The following PKHD1 variants were observed in gnomAD, a reference collection of about 807,000 sequenced individuals.
PKHD1 encodes fibrocystin.
A neutral mutation model predicts 412.0 loss-of-function variants in PKHD1; 291 were observed. The observed-to-expected ratio is 0.71, with a 90% CI of 0.64 to 0.78. The LOEUF (loss-of-function observed/expected upper bound fraction) is 0.78, where lower values mean the gene tolerates loss of function less well. PKHD1 is among the 30% of genes least tolerant of loss of function. PKHD1 has a pLI of 0.00. For missense variants in PKHD1, 4,825 were observed against 4,950.7 expected (o/e 0.97, Z 0.76); for synonymous variants, 1,777 against 1,821.5 (o/e 0.98, Z 0.62).
In PKHD1 at chr6:52,026,198, G is replaced by T; in HGVS notation, c.3629-17C>A. On this transcript the variant is annotated splice_polypyrimidine_tract_variant and intron_variant, in intron 31 of 66. Coordinates refer to ENST00000371117, the MANE Select transcript of PKHD1 (RefSeq NM_138694.4). ...TGGTCCCTCCTAAAGTATGAATACG[G>T]AAAGCAAAATATTATAGCTGATATT... 1 of 1,611,638 alleles carries T rather than the reference G, an allele frequency of 6.2e-7. No individual in the cohort carries two copies. The highest frequency in any genetic ancestry group is 1.1e-5 in the South Asian group (1 of 91,008).
rs1157587038 is a variant in PKHD1 at position 52,071,025 on chromosome 6, A to G, written c.648T>C (p.His216=). The G allele has an allele frequency of 1.2e-6, 2 of 1,604,164 alleles. No individual in the cohort carries two copies. The highest frequency in any genetic ancestry group is 3.3e-5 in the Admixed American group (2 of 59,984). The part of the protein sequence containing the change: ...EDHGLGTLQC[H]VEGDYIGSQN... ...ACAGACCGATGTAGTCGCCTTCCACATGGCACTGCAGAGTCCCAAGACCAT... is the reference window on the plus strand; with the variant it reads ...ACAGACCGATGTAGTCGCCTTCCACGTGGCACTGCAGAGTCCCAAGACCAT... Residue 216 remains histidine (H), a synonymous_variant, in exon 9 of 67, where the codon CAT becomes CAC. Coordinates refer to ENST00000371117, the MANE Select transcript of PKHD1 (RefSeq NM_138694.4).
In PKHD1 at chr6:52,058,694, G is replaced by C. The variant is rs766173662; in HGVS notation, c.1234-93C>G. On this transcript the variant is annotated intron_variant, in intron 15 of 66. Transcript: ENST00000371117. ...AGTGTCTGAACTGCTACTATCAAGA[G>C]AGTTTTGAACTGGTCTGCCTTTTTA... The C allele has an allele frequency of 3.2e-5, 43 of 1,333,608 alleles. 1 individual carries two copies. In the South Asian group the frequency reaches 4.7e-4, roughly 15 times the overall value. 82.6% of individuals were successfully genotyped at this position (1,333,608 alleles called of 1,614,324 possible).
chr6:51,836,575 A>C, intron 50 of PKHD1, 106 bp from the exon 51 acceptor site: 1 of 802,590 alleles, frequency 1.2e-6, no homozygotes, highest in Non-Finnish European at 2.2e-6. Context: ...TAGTTGCCTA[A>C]ATTTTCAAAA....
chr6:51,842,999 G>A (rs1770507851), intron 50 of PKHD1, among the ~76,000 whole-genome samples: 1 of 152,222 alleles, frequency 6.6e-6, no homozygotes, highest in Non-Finnish European at 1.5e-5. Flanking sequence ...AGCTGAGCGT[G>A]GGGCCAAGCA....
At position 52,024,698 on chromosome 6, in the gene PKHD1, G is replaced by A. The variant is rs202010726; in HGVS notation, c.5112C>T (p.Cys1704=). The A allele has an allele frequency of 3.4e-4, 551 of 1,614,148 alleles. 2 individuals are homozygous for A. In the South Asian group the frequency reaches 5.0e-3, roughly 15 times the overall value. ...GVSGNHTVLQ[C]VVPSLPAGEY... ...CCCCGGCCGGAAGGGAAGGGACCAC[G>A]CACTGAAGAACGGTGTGGTTACCAG... is the stretch of plus-strand genomic sequence containing the variant. The change falls in exon 32 of 67, where the codon TGC becomes TGT. Residue 1704 remains cysteine (C), a synonymous_variant. Transcript: ENST00000371117.
intron 55 of PKHD1, among the ~76,000 whole-genome samples, chr6:51,763,848 T>G (rs9382016): frequency 0.32 from 48,548 of 151,892 alleles, 9,644 homozygotes; most frequent in East Asian, 0.69. Context: ...TACAATATTT[T>G]AGATGTACAA....
intron 60 of PKHD1, among the ~76,000 whole-genome samples, chr6:51,687,280 TA>T (rs1777566194): frequency 6.7e-6 from 1 of 150,200 alleles, no homozygotes; most frequent in African/African-American, 2.4e-5. Flanking sequence ...AATCAGATGA[TA>T]AAAAATGAAA....
chr6:51,638,475 G>A (rs1581780182), intron 64 of PKHD1, among the ~76,000 whole-genome samples: 1 of 151,960 alleles, frequency 6.6e-6, no homozygotes, highest in Non-Finnish European at 1.5e-5. Context: ...GGGTTGAGGA[G>A]GACAGGACCC....
intron 55 of PKHD1, among the ~76,000 whole-genome samples, chr6:51,771,245 T>C (rs1790073568): frequency 6.6e-6 from 1 of 152,088 alleles, no homozygotes; most frequent in South Asian, 2.1e-4. Flanking sequence ...CTACTGATTA[T>C]GTATTTTTTG....
intron 52 of PKHD1, among the ~76,000 whole-genome samples, chr6:51,821,701 T>C (rs2151458239): frequency 6.6e-6 from 1 of 152,328 alleles, no homozygotes; most frequent in South Asian, 2.1e-4. Context: ...TTCAGTGATT[T>C]CATTTTTTGT....
chr6:52,040,280 T>TA (rs1391162138), intron 27 of PKHD1, among the ~76,000 whole-genome samples: 1 of 152,178 alleles, frequency 6.6e-6, no homozygotes, highest in Non-Finnish European at 1.5e-5. Context: ...TTTTTTAAGT[T>TA]AAAAAAGAGA....
At chr6:51,823,645 A>G (rs1474602370) in intron 52 of PKHD1, among the ~76,000 whole-genome samples, 6 of 152,160 alleles carry the variant, frequency 3.9e-5, no homozygotes, top group Admixed American at 3.9e-4. Context: ...ATCTCAACCT[A>G]TTTCAATATA....
chr6:52,001,840 A>C (rs981740661), intron 35 of PKHD1, among the ~76,000 whole-genome samples: 8 of 152,184 alleles, frequency 5.3e-5, no homozygotes, highest in Admixed American at 1.3e-4. Flanking sequence ...GATTATGACA[A>C]CACCACCATA....
At chr6:51,735,229 T>C (rs949129407) in intron 60 of PKHD1, among the ~76,000 whole-genome samples, 3 of 152,208 alleles carry the variant, frequency 2.0e-5, no homozygotes, top group African/African-American at 7.2e-5. Context: ...ACTCTGGCTT[T>C]GGAGTCAGAC....
intron 36 of PKHD1, among the ~76,000 whole-genome samples, chr6:51,936,664 T>C (rs1319628500): frequency 2.0e-5 from 3 of 152,196 alleles, no homozygotes; most frequent in African/African-American, 7.2e-5. Flanking sequence ...AAAGTTAAAC[T>C]GTAAAACTAG....
Position 52,044,976 on chromosome 6 carries a change from T to C in PKHD1, c.2705A>G (p.Gln902Arg). The C allele has an allele frequency of 1.9e-6, 3 of 1,613,632 alleles. No homozygotes were observed. Among genetic ancestry groups the C allele is most frequent in the South Asian group, 1.1e-5 (1 of 91,082 alleles). The change falls in exon 25 of 67, where the codon CAG becomes CGG. Residue 902 changes from glutamine (Q) to arginine (R), a missense_variant. Coordinates refer to ENST00000371117, the MANE Select transcript of PKHD1 (RefSeq NM_138694.4). ...IFGDMLATAN[Q>R]HTQVVVRVND... is the part of the protein sequence containing the mutation. ...CCCATTCACTCTCACCTGAGTATGC[T>C]GGTTGGCAGTAGCCAACATGTCTCC...
chr6:51,852,867 T>G (rs1772561875), intron 49 of PKHD1, among the ~76,000 whole-genome samples: 1 of 152,206 alleles, frequency 6.6e-6, no homozygotes, highest in Non-Finnish European at 1.5e-5. Flanking sequence ...TTATCCAATT[T>G]GCCAATCTGT....
chr6:51,767,521 G>A (rs1161574385), intron 55 of PKHD1, among the ~76,000 whole-genome samples: 2 of 151,976 alleles, frequency 1.3e-5, no homozygotes, highest in Admixed American at 6.6e-5. Flanking sequence ...CTGTGTCCAT[G>A]TGTTCTCATT....
intron 11 of PKHD1, among the ~76,000 whole-genome samples, chr6:52,067,265 T>TC (rs1483109990): frequency 1.3e-5 from 2 of 150,888 alleles, no homozygotes; most frequent in East Asian, 3.9e-4. Flanking sequence ...TTATAATTTC[T>TC]TTTTTTTTAC....
Sources: gnomAD v4.1 joint callset for allele counts (sites outside exome capture counted in the v4.1 genomes callset) on GRCh38, gnomAD v4.1.1 for gene constraint, MANE v1.5 for transcripts, NCBI Gene and HGNC (gene_info 2026-07-23, HGNC 2026-07-21) for gene names.